The following SLF1 variants were observed in gnomAD, a reference collection of about 807,000 sequenced individuals.
SLF1 encodes SMC5-SMC6 complex localization factor protein 1.
A neutral mutation model predicts 123.0 loss-of-function variants in SLF1; 105 were observed. That is an observed-to-expected ratio of 0.85 (90% CI 0.73 to 1.00). The LOEUF (loss-of-function observed/expected upper bound fraction) is 1.00. Among genes scored for constraint, SLF1 ranks in the 50% least tolerant of loss-of-function variants. SLF1 has a pLI of 0.00. For missense variants in SLF1, 1,239 were observed against 1,223.0 expected, an observed-to-expected ratio of 1.01 and a Z score of -0.20; for synonymous variants, 434 against 406.6, an observed-to-expected ratio of 1.07 and a Z score of -0.81.
Position 94,654,678 on chromosome 5 carries a change from G to T in SLF1, c.1081G>T (p.Ala361Ser). 6.5e-7 allele frequency: 1 copy of T among 1,545,050 alleles called. No homozygotes were observed. Among genetic ancestry groups the T allele is most frequent in the South Asian group, 1.2e-5 (1 of 83,136 alleles). ...TGCTGAATATGCCAAAGAATCAAAA[G>T]CCATGGCTATTAAGACAGATGTGGA... The part of the protein sequence containing the change: ...IFAEYAKESK[A>S]MAIKTDVDVV... The change falls in exon 9 of 21, where the codon GCC becomes TCC. Residue 361 changes from alanine (A) to serine (S), a missense_variant. Transcript: ENST00000265140.
At chr5:94,628,767 A>T in intron 1 of SLF1, 44 bp from the exon 2 acceptor site, 2 of 1,295,952 alleles carry the variant, frequency 1.5e-6, no homozygotes, top group Admixed American at 2.9e-5. Context: ...CCTGTGAATA[A>T]TATCTTTAAC....
chr5:94,679,966 T>C (rs1487620559), intron 15 of SLF1, among the ~76,000 whole-genome samples: 4 of 152,210 alleles, frequency 2.6e-5, no homozygotes, highest in African/African-American at 9.6e-5. Context: ...CTGTAATCCT[T>C]AATTCCTAAA....
intron 1 of SLF1, among the ~76,000 whole-genome samples, chr5:94,626,421 C>T (rs1792251844): frequency 6.6e-6 from 1 of 152,062 alleles, no homozygotes; most frequent in Non-Finnish European, 1.5e-5. Context: ...TAGACCAAAT[C>T]CCTGTAACTT....
chr5:94,691,780 A>T (rs1159976505), intron 19 of SLF1, 124 bp downstream of exon 19: 3 of 801,100 alleles, frequency 3.7e-6, no homozygotes, highest in East Asian at 6.0e-5. Flanking sequence ...AGTATAAGAA[A>T]AATTTCTTAG....
chr5:94,688,793 A>G (rs1752739152), intron 17 of SLF1, 124 bp downstream of exon 17: 2 of 1,015,740 alleles, frequency 2.0e-6, no homozygotes, highest in Non-Finnish European at 2.7e-6. Context: ...TCAAAACTCA[A>G]TTTTAGATCT....
intron 1 of SLF1, among the ~76,000 whole-genome samples, chr5:94,624,423 T>A (rs1405652212): frequency 6.6e-6 from 1 of 152,218 alleles, no homozygotes; most frequent in Admixed American, 6.5e-5. Context: ...TTTATTTTAT[T>A]ATAAAGACCA....
At chr5:94,632,365 G>A (rs1745305151) in intron 4 of SLF1, among the ~76,000 whole-genome samples, 2 of 152,134 alleles carry the variant, frequency 1.3e-5, no homozygotes, top group Admixed American at 1.3e-4. Context: ...TTGTTTTAGT[G>A]AATCTGGATT....
rs961618441 is a variant in SLF1, at chr5:94,696,000, G to C, written c.*688G>C. On this transcript the variant is annotated 3_prime_UTR_variant, in exon 21 of 21. Coordinates refer to ENST00000265140, the MANE Select transcript of SLF1 (RefSeq NM_032290.4). Reference sequence around the variant, plus strand: ...GCTGCCCTATGTAACCCAGTATTCTGTACCTGAAAACATTCTGCTGCATAG... The same window carrying C: ...GCTGCCCTATGTAACCCAGTATTCTCTACCTGAAAACATTCTGCTGCATAG... 1.3e-5 allele frequency: 2 copies of C among 151,676 alleles called. No homozygotes were observed. Among genetic ancestry groups the C allele is most frequent in the African/African-American group, 4.8e-5 (2 of 41,332 alleles). The allele number at this position is 151,676 out of a possible 1,614,324, so 9.4% of individuals were successfully genotyped here.
At chr5:94,621,156 T>G (rs1201152443) in intron 1 of SLF1, among the ~76,000 whole-genome samples, 1 of 152,236 alleles carries the variant, frequency 6.6e-6, no homozygotes, top group African/African-American at 2.4e-5. Flanking sequence ...GTATCTTTCT[T>G]TTGTGTTAGC....
chr5:94,672,697 TTA>T (rs1342109349), intron 14 of SLF1, among the ~76,000 whole-genome samples: 1 of 152,210 alleles, frequency 6.6e-6, no homozygotes, highest in Admixed American at 6.5e-5. Flanking sequence ...TGACTTGTTT[TTA>T]TGAGTTTCAA....
intron 11 of SLF1, 118 bp downstream of exon 11, chr5:94,664,026 A>G: frequency 1.0e-6 from 1 of 992,002 alleles, no homozygotes; most frequent in African/African-American, 1.7e-5. Flanking sequence ...TTTTTTCTTC[A>G]TTTCACTAAT....
chr5:94,657,834 A>G (rs954562092), intron 9 of SLF1, among the ~76,000 whole-genome samples: 9 of 152,070 alleles, frequency 5.9e-5, no homozygotes, highest in Non-Finnish European at 1.0e-4. Context: ...TTTAACTTAG[A>G]AAGTTTTTTC....
chr5:94,627,619 T>TATATAC (rs1261627669), intron 1 of SLF1, among the ~76,000 whole-genome samples: 9 of 136,958 alleles, frequency 6.6e-5, no homozygotes, highest in African/African-American at 2.2e-4. Context: ...TATATATATA[T>TATATAC]AGCAAAGTTA....
At chr5:94,666,678 C>T (rs1749796384) in intron 12 of SLF1, among the ~76,000 whole-genome samples, 1 of 152,104 alleles carries the variant, frequency 6.6e-6, no homozygotes, top group South Asian at 2.1e-4. Context: ...GCTCTGTCAC[C>T]CAGGCTGGAG....
Position 94,629,445 on chromosome 5 carries a change from C to T in SLF1, c.190+278C>T, listed in dbSNP as rs1435335203. On this transcript the variant is annotated intron_variant, in intron 3 of 20. Coordinates refer to ENST00000265140, the MANE Select transcript of SLF1 (RefSeq NM_032290.4). ...AAAAATACATTAATGAAAAGACTGG[C>T]ACAAAATGTCAAAATCTTAAGCTTT... 2.6e-5 allele frequency among the ~76,000 whole-genome samples: 4 copies of T among 151,960 alleles called. No homozygotes were observed. The East Asian group carries it at 7.7e-4, about 29-fold the overall frequency.
Position 94,686,665 on chromosome 5 carries a change from T to C in SLF1, c.2068T>C (p.Cys690Arg). The C allele has an allele frequency of 1.9e-6, 3 of 1,614,164 alleles. No homozygotes were observed. The highest frequency in any genetic ancestry group is 2.5e-6 in the Non-Finnish European group (3 of 1,179,990). The change falls in exon 16 of 21, where the codon TGT becomes CGT. Residue 690 changes from cysteine (C) to arginine (R), a missense_variant. Cys to Arg is a radical substitution (Grantham distance 180). Coordinates refer to ENST00000265140, the MANE Select transcript of SLF1 (RefSeq NM_032290.4). ...TGCAGAGGCAGTCTTTAAAAAGTTG[T>C]GTCTACAGAGCTCTGGCAGTGTTTC... ...FVAEAVFKKL[C>R]LQSSGSVSSE...
At chr5:94,669,057 T>TA (rs1243151579) in intron 12 of SLF1, among the ~76,000 whole-genome samples, 1 of 152,182 alleles carries the variant, frequency 6.6e-6, no homozygotes, top group Non-Finnish European at 1.5e-5. Context: ...AATAGACTTT[T>TA]AAACAAAAAT....
chr5:94,652,015 T>TTTTTTTTCTTTTTTTTC, intron 7 of SLF1, among the ~76,000 whole-genome samples, 170 bp downstream of exon 7: 1 of 82,496 alleles, frequency 1.2e-5, no homozygotes, highest in East Asian at 2.7e-4. Flanking sequence ...TTCTTTTTTC[T>TTTTTTTTCTTTTTTTTC]TTTTTTTTTT....
At chr5:94,665,050 A>G (rs1271429601) in intron 11 of SLF1, among the ~76,000 whole-genome samples, 3 of 152,224 alleles carry the variant, frequency 2.0e-5, no homozygotes, top group South Asian at 2.1e-4. Flanking sequence ...AATTAATACA[A>G]TAACTAATAA....
Sources: allele counts gnomAD v4.1 joint callset (sites outside exome capture counted in the v4.1 genomes callset), GRCh38; gene constraint gnomAD v4.1.1; transcripts MANE v1.5; gene names NCBI Gene and HGNC (gene_info 2026-07-23, HGNC 2026-07-21).